The following GRM7 variants were observed in gnomAD, a reference collection of about 807,000 sequenced individuals.
The protein encoded by GRM7 is metabotropic glutamate receptor 7.
A neutral mutation model predicts 84.5 loss-of-function variants in GRM7; 35 were observed. The ratio of observed to expected loss-of-function variants is 0.41; its 90% confidence interval spans 0.32 to 0.55. The LOEUF is 0.55. Among genes scored for constraint, GRM7 ranks in the 20% least tolerant of loss-of-function variants. The pLI is 0.19. For synonymous variants in GRM7, 487 were observed against 455.1 expected (o/e 1.07, Z -0.89); for missense variants, 1,003 against 1,194.6 (o/e 0.84, Z 2.36).
At chr3:6,967,920 A>G (rs1362275398) in intron 1 of GRM7, among the ~76,000 whole-genome samples, 1 of 152,200 alleles carries the variant, frequency 6.6e-6, no homozygotes, top group Non-Finnish European at 1.5e-5. Context: ...AGATCTGGGC[A>G]TTGGTATTTG....
chr3:7,525,032 A>T (rs1239542), intron 7 of GRM7, among the ~76,000 whole-genome samples: 2 of 148,548 alleles, frequency 1.3e-5, no homozygotes, highest in African/African-American at 5.0e-5. Flanking sequence ...ACCAAACACC[A>T]CATGTTCTCA....
chr3:7,395,561 G>A (rs911820994), intron 4 of GRM7, among the ~76,000 whole-genome samples: 1 of 152,130 alleles, frequency 6.6e-6, no homozygotes, highest in Non-Finnish European at 1.5e-5. Context: ...GTGGGGCCAG[G>A]TGGAGATAAT....
At chr3:6,930,380 G>T (rs1441537827) in intron 1 of GRM7, among the ~76,000 whole-genome samples, 3 of 152,152 alleles carry the variant, frequency 2.0e-5, no homozygotes, top group Non-Finnish European at 4.4e-5. Context: ...TAGGCAAGAG[G>T]TCAAACGATT....
At chr3:7,576,160 C>T (rs3804910) in intron 7 of GRM7, among the ~76,000 whole-genome samples, 37,824 of 152,026 alleles carry the variant, frequency 0.25, 4,877 homozygotes, top group Middle Eastern at 0.38. Flanking sequence ...ACCAGCAGTT[C>T]TTTTAGGTTC....
intron 7 of GRM7, among the ~76,000 whole-genome samples, chr3:7,515,279 C>T (rs774463181): frequency 4.0e-5 from 6 of 151,104 alleles, no homozygotes; most frequent in African/African-American, 7.3e-5. Flanking sequence ...GGACTACGGA[C>T]GTTTTGAGCC....
At chr3:6,954,987 G>T (rs1692966598) in intron 1 of GRM7, among the ~76,000 whole-genome samples, 1 of 152,158 alleles carries the variant, frequency 6.6e-6, no homozygotes, top group Non-Finnish European at 1.5e-5. Context: ...TTCCCCTCCA[G>T]GGGTTGAAGG....
At chr3:7,544,241 C>A (rs1693031689) in intron 7 of GRM7, among the ~76,000 whole-genome samples, 1 of 152,166 alleles carries the variant, frequency 6.6e-6, no homozygotes, top group Admixed American at 6.5e-5. Context: ...TAGCTCACTG[C>A]AGACTCGAAC....
At chr3:6,955,294 G>A (rs948335144) in intron 1 of GRM7, among the ~76,000 whole-genome samples, 1 of 152,138 alleles carries the variant, frequency 6.6e-6, no homozygotes, top group Non-Finnish European at 1.5e-5. Context: ...CCAGCACTTT[G>A]GGAGGCCGAT....
Position 7,461,713 on chromosome 3 carries a change from T to C in GRM7, c.1506T>C (p.Leu502=). ...YRLIGQWTDE[L]QLNIEDMQWG... ...TGATCGGGCAGTGGACAGACGAACT[T>C]CAGCTCAATGTGAGTTCTGCTTGCT... Residue 502 remains leucine, a synonymous_variant, in exon 7 of 10, where the codon CTT becomes CTC. Coordinates refer to ENST00000357716, the MANE Select transcript of GRM7 (RefSeq NM_000844.4). 1 of 1,613,910 alleles carries C rather than the reference T, an allele frequency of 6.2e-7. No homozygotes were observed. The highest frequency in any genetic ancestry group is 8.5e-7 in the Non-Finnish European group (1 of 1,179,840).
chr3:7,575,716 G>C (rs905889677), intron 7 of GRM7, among the ~76,000 whole-genome samples: 8 of 152,244 alleles, frequency 5.3e-5, no homozygotes, highest in African/African-American at 1.9e-4. Context: ...TGTCCATCTG[G>C]AGCAGGAGGA....
At chr3:7,537,478 T>C (rs1701284077) in intron 7 of GRM7, among the ~76,000 whole-genome samples, 2 of 152,162 alleles carry the variant, frequency 1.3e-5, no homozygotes, top group Non-Finnish European at 1.5e-5. Flanking sequence ...AGGAACTTGA[T>C]AGAAAATCTT....
intron 5 of GRM7, among the ~76,000 whole-genome samples, chr3:7,433,243 A>G (rs1243117983): frequency 6.6e-6 from 1 of 152,202 alleles, no homozygotes; most frequent in Admixed American, 6.5e-5. Context: ...ATAAGCAGAG[A>G]TCAAAGGTGC....
intron 4 of GRM7, among the ~76,000 whole-genome samples, chr3:7,400,425 A>T (rs1429228410): frequency 2.0e-5 from 3 of 152,022 alleles, no homozygotes; most frequent in Non-Finnish European, 4.4e-5. Flanking sequence ...TAACATCCTG[A>T]CTCTTTATAC....
At chr3:7,307,364 G>A (rs12485342) in intron 4 of GRM7, among the ~76,000 whole-genome samples, 71,606 of 151,024 alleles carry the variant, frequency 0.47, 18,556 homozygotes, top group Non-Finnish European at 0.6. Context: ...TGTAAAAGGA[G>A]CTTCTCTGCT....
intron 1 of GRM7, among the ~76,000 whole-genome samples, chr3:6,921,137 G>T (rs991535747): frequency 2.6e-5 from 4 of 152,176 alleles, no homozygotes; most frequent in Non-Finnish European, 5.9e-5. Context: ...TCCCCACTTT[G>T]GCTTATCTGT....
intron 1 of GRM7, among the ~76,000 whole-genome samples, chr3:7,134,660 A>G (rs1693715737): frequency 6.6e-6 from 1 of 152,144 alleles, no homozygotes; most frequent in Non-Finnish European, 1.5e-5. Context: ...TCTGAAGTAC[A>G]GCCATGTCTC....
rs536321812 is a variant in GRM7 at position 6,861,616 on chromosome 3, C to T, written c.228C>T (p.Ile76=). 146 of 1,612,966 alleles carry T rather than the reference C, an allele frequency of 9.1e-5. 2 individuals are homozygous for T. In the South Asian group the frequency reaches 1.5e-3, roughly 17 times the overall value. ...PCGDIKRENG[I]HRLEAMLYAL... is the part of the protein sequence containing the mutation. Reference sequence around the variant, plus strand: ...GCGACATCAAGAGGGAAAACGGGATCCACAGGCTGGAAGCGATGCTCTACG... The same window carrying T: ...GCGACATCAAGAGGGAAAACGGGATTCACAGGCTGGAAGCGATGCTCTACG... The change falls in exon 1 of 10, where the codon ATC becomes ATT. Residue 76 remains isoleucine (I), a synonymous_variant. Transcript: ENST00000357716. This position sits in a 1 kb window ranked among gnomAD's most constrained non-coding sequence, Gnocchi z 6.4.
chr3:6,948,155 CA>C (rs757899074), intron 1 of GRM7, among the ~76,000 whole-genome samples: 6 of 143,578 alleles, frequency 4.2e-5, no homozygotes, highest in Non-Finnish European at 6.3e-5. Flanking sequence ...GTTAGGGTGT[CA>C]ATTTTAGATC....
chr3:7,112,320 G>A (rs764906206), intron 1 of GRM7, among the ~76,000 whole-genome samples: 2 of 151,926 alleles, frequency 1.3e-5, no homozygotes, highest in Non-Finnish European at 2.9e-5. Flanking sequence ...TACCTCCCAG[G>A]TTCAAGCGAT....
Sources: allele counts gnomAD v4.1 joint callset (sites outside exome capture counted in the v4.1 genomes callset), GRCh38; gene constraint gnomAD v4.1.1; non-coding constraint Gnocchi (gnomAD v3.1); transcripts MANE v1.5; gene names NCBI Gene and HGNC (gene_info 2026-07-23, HGNC 2026-07-21).